The following COMMD1 variants were observed in gnomAD, a reference collection of about 807,000 sequenced individuals.
COMMD1 encodes COMM domain-containing protein 1.
COMMD1 carries 10 observed loss-of-function variants against 17.2 expected under a neutral mutation model. That is an observed-to-expected ratio of 0.58 (90% CI 0.36 to 0.99). COMMD1 has a LOEUF of 0.99. Ranked by LOEUF, COMMD1 falls within the 50% of genes least tolerant of loss-of-function variation. The pLI, the probability that COMMD1 is intolerant of heterozygous loss-of-function variation, is 0.01. For missense variants in COMMD1, 270 were observed against 231.8 expected, an observed-to-expected ratio of 1.17 and a Z score of -1.07; for synonymous variants, 97 against 91.6, an observed-to-expected ratio of 1.06 and a Z score of -0.34.
intron 1 of COMMD1, among the ~76,000 whole-genome samples, chr2:61,973,653 CAGT>C (rs542565253): frequency 5.6e-4 from 85 of 152,198 alleles, no homozygotes; most frequent in African/African-American, 2.0e-3. Flanking sequence ...CTTTGCATGT[CAGT>C]AGTATGTCAG....
At chr2:61,954,378 G>C (rs1353881447) in intron 1 of COMMD1, among the ~76,000 whole-genome samples, 1 of 152,138 alleles carries the variant, frequency 6.6e-6, no homozygotes, top group Admixed American at 6.5e-5. Context: ...AGTTATAGCA[G>C]ATCAATTAGT....
rs147425182 is a variant in COMMD1 at position 61,955,830 on chromosome 2, C to T, written c.181-44871C>T. 9.1e-3 allele frequency among the ~76,000 whole-genome samples: 1,379 copies of T among 152,070 alleles called. 8 individuals carry two copies. Among genetic ancestry groups the T allele is most frequent in the Non-Finnish European group, 0.014 (985 of 67,972 alleles). On this transcript the variant is annotated intron_variant, in intron 1 of 2. Transcript: ENST00000311832. Reference sequence around the variant, plus strand: ...CCTCCCTAGTAGCTGGGATTACAGGCGCCCACCACCACGCCAGGCTAATTT... The same window carrying T: ...CCTCCCTAGTAGCTGGGATTACAGGTGCCCACCACCACGCCAGGCTAATTT...
intron 1 of COMMD1, among the ~76,000 whole-genome samples, chr2:61,892,993 G>A (rs866203762): frequency 6.6e-5 from 10 of 151,710 alleles, no homozygotes; most frequent in African/African-American, 1.2e-4. Context: ...TCAACCTCCC[G>A]AGTAGCTGGG....
chr2:61,938,426 T>G (rs1308772854), intron 1 of COMMD1, among the ~76,000 whole-genome samples: 2 of 152,256 alleles, frequency 1.3e-5, no homozygotes, highest in East Asian at 1.9e-4. Flanking sequence ...CCTGGGCGTG[T>G]GGAAAGTCTG....
At position 62,045,894 on chromosome 2, in the gene COMMD1, G is replaced by T. The variant is rs111878828; in HGVS notation, c.462+44912G>T. ...TGGGATTACCAGTGACCACCACCAT[G>T]CCTGGCTAATTTTTGTATTTTCAGT... On this transcript the variant is annotated intron_variant, in intron 2 of 2. Transcript: ENST00000311832. Among the ~76,000 whole-genome samples, 1,082 of 149,288 alleles carry T rather than the reference G, an allele frequency of 7.2e-3. 14 individuals carry two copies. Among genetic ancestry groups the T allele is most frequent in the African/African-American group, 0.025 (999 of 40,500 alleles).
At chr2:62,061,464 T>C (rs1670851235) in intron 2 of COMMD1, among the ~76,000 whole-genome samples, 1 of 152,176 alleles carries the variant, frequency 6.6e-6, no homozygotes, top group Admixed American at 6.6e-5. Flanking sequence ...GAATCTGTCC[T>C]GTACATTCAG....
At position 62,009,379 on chromosome 2, in the gene COMMD1, C is replaced by T. The variant is rs546806476; in HGVS notation, c.462+8397C>T. On this transcript the variant is annotated intron_variant, in intron 2 of 2. Transcript: ENST00000311832. Reference sequence around the variant, plus strand: ...CAGCACTTTGGGCGACTGAGGCGGGCGGATCACCTGAGGTCAGGAGTTCGA... The same window carrying T: ...CAGCACTTTGGGCGACTGAGGCGGGTGGATCACCTGAGGTCAGGAGTTCGA... Among the ~76,000 whole-genome samples, 21 of 151,900 alleles carry T rather than the reference C, an allele frequency of 1.4e-4. 1 individual carries two copies. The East Asian group carries it at 3.7e-3, about 27-fold the overall frequency.
At chr2:61,927,738 C>G (rs759589058) in intron 1 of COMMD1, among the ~76,000 whole-genome samples, 7 of 151,362 alleles carry the variant, frequency 4.6e-5, no homozygotes, top group Admixed American at 3.3e-4. Flanking sequence ...CTGTTGAGAC[C>G]TAGTGGAGTA....
intron 2 of COMMD1, among the ~76,000 whole-genome samples, chr2:62,082,721 G>T (rs1439428398): frequency 6.6e-6 from 1 of 152,124 alleles, no homozygotes; most frequent in African/African-American, 2.4e-5. Flanking sequence ...TTAGCTGAGC[G>T]TGGTGGCACG....
chr2:62,100,571 G>A (rs1361413014), intron 2 of COMMD1, among the ~76,000 whole-genome samples: 1 of 152,094 alleles, frequency 6.6e-6, no homozygotes, highest in Non-Finnish European at 1.5e-5. Flanking sequence ...GGGACAGTAG[G>A]GGCAGGGAGG....
chr2:61,997,236 A>G (rs1318713426), intron 1 of COMMD1, among the ~76,000 whole-genome samples: 1 of 151,362 alleles, frequency 6.6e-6, no homozygotes, highest in Non-Finnish European at 1.5e-5. Context: ...GTTTTTTTGT[A>G]TTTTTTGTAA....
rs536334071 is a variant in COMMD1 at position 62,045,786 on chromosome 2, G to A, written c.462+44804G>A. Among the ~76,000 whole-genome samples the A allele has an allele frequency of 3.0e-5, 4 of 132,274 alleles. No homozygotes were observed. In the South Asian group the frequency reaches 9.4e-4, roughly 31 times the overall value. 86.8% of individuals were successfully genotyped at this position (132,274 alleles called of 152,430 possible). ...AGAGTCTTGCTCTGTCTCCCAGGCTGGAGTGCAGTGGCGCCATCTCGGCCC... is the reference window on the plus strand; with the variant it reads ...AGAGTCTTGCTCTGTCTCCCAGGCTAGAGTGCAGTGGCGCCATCTCGGCCC... On this transcript the variant is annotated intron_variant, in intron 2 of 2. Coordinates refer to ENST00000311832, the MANE Select transcript of COMMD1 (RefSeq NM_152516.4).
intron 2 of COMMD1, among the ~76,000 whole-genome samples, chr2:62,025,201 C>G (rs1005896399): frequency 2.6e-5 from 4 of 151,922 alleles, no homozygotes; most frequent in African/African-American, 9.7e-5. Context: ...GCCTGGGGGA[C>G]AGAGCGAGAC....
intron 1 of COMMD1, among the ~76,000 whole-genome samples, chr2:61,987,924 G>A (rs112236643): frequency 4.6e-5 from 7 of 152,282 alleles, no homozygotes; most frequent in African/African-American, 1.7e-4. Flanking sequence ...CCTTCTCCCA[G>A]GCAGGAGAGC....
upstream of COMMD1, chr2:61,888,622 G>C: frequency 7.7e-6 from 10 of 1,301,496 alleles, no homozygotes; most frequent in South Asian, 1.5e-5. Flanking sequence ...TCCAGAAAGC[G>C]GCGCCGGCGT....
chr2:61,897,868 T>A (rs1669583188), intron 1 of COMMD1, among the ~76,000 whole-genome samples: 1 of 152,176 alleles, frequency 6.6e-6, no homozygotes, highest in African/African-American at 2.4e-5. Flanking sequence ...TGCTATACTA[T>A]TTACAGAGGA....
At chr2:62,009,616 AAAG>A (rs1158897403) in intron 2 of COMMD1, among the ~76,000 whole-genome samples, 7 of 148,224 alleles carry the variant, frequency 4.7e-5, no homozygotes, top group Non-Finnish European at 7.7e-5. Context: ...AAAAAAAAAA[AAAG>A]AAAGAATAAG....
chr2:62,090,976 G>A (rs1474401022), intron 2 of COMMD1, among the ~76,000 whole-genome samples: 1 of 152,152 alleles, frequency 6.6e-6, no homozygotes, highest in East Asian at 1.9e-4. Flanking sequence ...CAATGTTTAA[G>A]GTCACATTTA....
At chr2:61,966,480 T>G (rs1671509018) in intron 1 of COMMD1, among the ~76,000 whole-genome samples, 1 of 152,202 alleles carries the variant, frequency 6.6e-6, no homozygotes, top group Admixed American at 6.5e-5. Flanking sequence ...GGTTGTATAT[T>G]AAATCTAATA....
Sources: allele counts gnomAD v4.1 joint callset (sites outside exome capture counted in the v4.1 genomes callset), GRCh38; gene constraint gnomAD v4.1.1; transcripts MANE v1.5; gene names NCBI Gene and HGNC (gene_info 2026-07-23, HGNC 2026-07-21).